PRMT3: variants seen among roughly 807,000 people sequenced by gnomAD.
PRMT3 encodes protein arginine N-methyltransferase 3.
A neutral mutation model predicts 71.9 loss-of-function variants in PRMT3; 62 were observed. The ratio of observed to expected loss-of-function variants is 0.86; its 90% CI spans 0.70 to 1.07. PRMT3 has a LOEUF of 1.07. Ranked by LOEUF, PRMT3 falls within the 50% of genes least tolerant of loss-of-function variation. The pLI is 0.00. For missense variants in PRMT3, 663 were observed against 643.0 expected (o/e 1.03, Z -0.34); for synonymous variants, 213 against 220.4 (o/e 0.97, Z 0.30).
At chr11:20,419,647 G>T (rs1044316334) in intron 9 of PRMT3, among the ~76,000 whole-genome samples, 2 of 152,146 alleles carry the variant, frequency 1.3e-5, no homozygotes, top group African/African-American at 4.8e-5. Flanking sequence ...TTTGTATATA[G>T]TATGAAGTGG....
chr11:20,480,058 G>T (rs1850893427), intron 13 of PRMT3, among the ~76,000 whole-genome samples: 1 of 152,298 alleles, frequency 6.6e-6, no homozygotes, highest in East Asian at 1.9e-4. Context: ...GGGCGCAGTG[G>T]TTTACACCTG....
chr11:20,461,832 G>C, intron 11 of PRMT3, 148 bp from the exon 12 acceptor site: 2 of 563,836 alleles, frequency 3.5e-6, no homozygotes, highest in Non-Finnish European at 5.5e-6. Context: ...ATGAAGCATG[G>C]TTGTTTTTCC....
At chr11:20,402,895 A>G (rs779444664) in intron 7 of PRMT3, 24 bp from the exon 8 acceptor site, 1 of 1,575,366 alleles carries the variant, frequency 6.3e-7, no homozygotes, top group Non-Finnish European at 8.7e-7. Flanking sequence ...CTATAAACAC[A>G]GCGTTTTCCT....
At chr11:20,458,891 T>C (rs1409490308) in intron 11 of PRMT3, among the ~76,000 whole-genome samples, 1 of 152,220 alleles carries the variant, frequency 6.6e-6, no homozygotes, top group Non-Finnish European at 1.5e-5. Flanking sequence ...GTTTTATTAC[T>C]TTTAGTAAGT....
At chr11:20,504,688 A>ATGTGTGTG (rs1216877795) in intron 15 of PRMT3, among the ~76,000 whole-genome samples, 74 of 115,742 alleles carry the variant, frequency 6.4e-4, no homozygotes, top group African/African-American at 2.3e-3. Flanking sequence ...CAAGTATTGT[A>ATGTGTGTG]TGTGTGTGTG....
chr11:20,441,989 C>T (rs962209312), intron 10 of PRMT3, among the ~76,000 whole-genome samples: 2 of 152,044 alleles, frequency 1.3e-5, no homozygotes, highest in Non-Finnish European at 2.9e-5. Context: ...GACGGGGTTT[C>T]GCCATGTTGG....
intron 9 of PRMT3, among the ~76,000 whole-genome samples, chr11:20,419,332 C>T (rs1849375965): frequency 6.6e-6 from 1 of 152,122 alleles, no homozygotes; most frequent in Non-Finnish European, 1.5e-5. Flanking sequence ...ATGCCTTTTG[C>T]TCAGGTTTCT....
chr11:20,390,880 C>T (rs1458965858), intron 3 of PRMT3, among the ~76,000 whole-genome samples: 1 of 152,116 alleles, frequency 6.6e-6, no homozygotes, highest in African/African-American at 2.4e-5. Flanking sequence ...GAAAACCCAA[C>T]TCTACTAAAA....
intron 13 of PRMT3, among the ~76,000 whole-genome samples, chr11:20,469,062 G>A (rs1247190938): frequency 6.6e-6 from 1 of 152,164 alleles, no homozygotes; most frequent in African/African-American, 2.4e-5. Flanking sequence ...CCACATAGCA[G>A]TTTTCTGAGC....
intron 2 of PRMT3, 85 bp downstream of exon 2, chr11:20,388,239 G>C (rs1320207283): frequency 1.9e-6 from 3 of 1,583,684 alleles, no homozygotes; most frequent in African/African-American, 1.3e-5. Context: ...TCGGGCGGGA[G>C]GCAAGCCAGA....
chr11:20,426,957 A>G (rs1849560564), intron 10 of PRMT3, 92 bp downstream of exon 10: 3 of 1,409,438 alleles, frequency 2.1e-6, no homozygotes, highest in Admixed American at 3.9e-5. Flanking sequence ...TATTTGATAC[A>G]TGGCAGAATG....
chr11:20,421,303 G>T (rs1198873244), intron 9 of PRMT3, among the ~76,000 whole-genome samples: 1 of 152,162 alleles, frequency 6.6e-6, no homozygotes, highest in African/African-American at 2.4e-5. Flanking sequence ...CTCTCAAGAT[G>T]CTGGTATTAT....
intron 13 of PRMT3, among the ~76,000 whole-genome samples, chr11:20,469,465 G>A (rs1264267246): frequency 6.6e-6 from 1 of 152,158 alleles, no homozygotes; most frequent in Non-Finnish European, 1.5e-5. Flanking sequence ...GCTTATTATA[G>A]AACAAATGAG....
At chr11:20,489,155 C>T (rs1851148818) in intron 13 of PRMT3, among the ~76,000 whole-genome samples, 1 of 151,724 alleles carries the variant, frequency 6.6e-6, no homozygotes, top group African/African-American at 2.4e-5. Flanking sequence ...TTTTTTACTA[C>T]TTACCACTCA....
intron 13 of PRMT3, among the ~76,000 whole-genome samples, chr11:20,491,376 T>G (rs531259579): frequency 6.6e-6 from 1 of 152,318 alleles, no homozygotes; most frequent in Non-Finnish European, 1.5e-5. Context: ...ATTCTTTGTA[T>G]GTTGAGTAAT....
At chr11:20,436,930 T>C (rs530024134) in intron 10 of PRMT3, among the ~76,000 whole-genome samples, 11 of 152,266 alleles carry the variant, frequency 7.2e-5, no homozygotes, top group African/African-American at 2.6e-4. Flanking sequence ...TTTGATAGAC[T>C]TTTTATTACA....
intron 7 of PRMT3, among the ~76,000 whole-genome samples, chr11:20,399,115 A>G (rs1456712225): frequency 6.6e-6 from 1 of 152,194 alleles, no homozygotes; most frequent in Non-Finnish European, 1.5e-5. Context: ...AAAGTTTTAG[A>G]TGTTTATCTC....
At chr11:20,394,172 A>G (rs1214286977) in intron 5 of PRMT3, among the ~76,000 whole-genome samples, 3 of 152,238 alleles carry the variant, frequency 2.0e-5, no homozygotes, top group Non-Finnish European at 2.9e-5. Flanking sequence ...TTCCAGTGCT[A>G]TCCTGAGGGG....
At chr11:20,461,852 C>T (rs959631669) in intron 11 of PRMT3, 128 bp from the exon 12 acceptor site, 2 of 744,002 alleles carry the variant, frequency 2.7e-6, no homozygotes, top group Non-Finnish European at 3.9e-6. Flanking sequence ...CTGATCTATA[C>T]CTTCATTAAT....
Sources: gnomAD v4.1 joint callset for allele counts (sites outside exome capture counted in the v4.1 genomes callset) on GRCh38, gnomAD v4.1.1 for gene constraint, MANE v1.5 for transcripts, NCBI Gene and HGNC (gene_info 2026-07-23, HGNC 2026-07-21) for gene names.